The following DOCK1 variants were observed in gnomAD, a reference collection of about 807,000 sequenced individuals.
The protein encoded by DOCK1 is dedicator of cytokinesis 1.
Under a neutral mutation model 262.7 loss-of-function variants are expected in DOCK1, and 138 were observed. That is an observed-to-expected ratio of 0.53 (90% CI 0.46 to 0.61). The LOEUF (loss-of-function observed/expected upper bound fraction) is 0.61, where lower values mean the gene tolerates loss of function less well. DOCK1 is among the 20% of genes least tolerant of loss of function. The pLI is 0.00. For missense variants in DOCK1, 1,908 were observed against 2,370.7 expected, an observed-to-expected ratio of 0.80 and a Z score of 4.05; for synonymous variants, 866 against 867.4, an observed-to-expected ratio of 1.00 and a Z score of 0.03.
At chr10:127,265,632 C>T (rs1201058375) in intron 29 of DOCK1, among the ~76,000 whole-genome samples, 1 of 152,078 alleles carries the variant, frequency 6.6e-6, no homozygotes, top group Admixed American at 6.5e-5. Context: ...CTATGGACAC[C>T]TCATAATCAC....
At chr10:127,262,224 GTGTGTACCCGTGCTCATC>G (rs1202249251) in intron 29 of DOCK1, among the ~76,000 whole-genome samples, 3 of 151,096 alleles carry the variant, frequency 2.0e-5, no homozygotes, top group African/African-American at 2.4e-5. Flanking sequence ...GTGTGTGTGT[GTGTGTACCCGTGCTCATC>G]TGTGTGTGTA....
At chr10:127,422,199 G>A (rs1441413643) in intron 46 of DOCK1, among the ~76,000 whole-genome samples, 14 of 109,250 alleles carry the variant, frequency 1.3e-4, no homozygotes, top group Admixed American at 4.3e-4. Flanking sequence ...ATGGAGTCTC[G>A]CTCTGTCACC....
In DOCK1 at chr10:127,230,866, T is replaced by C. The variant is rs534093200; in HGVS notation, c.2848-17142T>C. Among the ~76,000 whole-genome samples the C allele has an allele frequency of 7.2e-5, 11 of 152,286 alleles. No individual in the cohort carries two copies. The East Asian group carries it at 2.1e-3, about 29-fold the overall frequency. On this transcript the variant is annotated intron_variant, in intron 27 of 51. Coordinates refer to ENST00000623213, the MANE Select transcript of DOCK1 (RefSeq NM_001290223.2). The stretch of plus-strand genomic sequence containing the variant: ...TGAAAAATGTCATTGGAATTTTGAA[T>C]AGGACTTGCGTTGGATCTGTAGATA...
chr10:126,964,141 A>G (rs888596451), intron 1 of DOCK1, among the ~76,000 whole-genome samples: 3 of 152,212 alleles, frequency 2.0e-5, no homozygotes, highest in Non-Finnish European at 2.9e-5. Context: ...ATCTTCACCA[A>G]GTTGCTATAA....
intron 29 of DOCK1, among the ~76,000 whole-genome samples, chr10:127,309,912 A>G (rs2135489048): frequency 6.7e-6 from 1 of 148,510 alleles, no homozygotes; most frequent in East Asian, 2.0e-4. Flanking sequence ...GTCTCACTCT[A>G]CTACCCAGGC....
intron 40 of DOCK1, among the ~76,000 whole-genome samples, chr10:127,405,120 G>A (rs551250723): frequency 7.9e-5 from 12 of 152,276 alleles, no homozygotes; most frequent in Middle Eastern, 6.8e-3. Flanking sequence ...GGTTGTCCCC[G>A]CCCAATGTGC....
intron 39 of DOCK1, 64 bp from the exon 40 acceptor site, chr10:127,404,261 A>T: frequency 3.5e-6 from 5 of 1,420,254 alleles, no homozygotes; most frequent in Non-Finnish European, 2.9e-6. Flanking sequence ...GCCCGCAAGA[A>T]GAATCCAGAG....
intron 1 of DOCK1, among the ~76,000 whole-genome samples, chr10:126,938,237 A>T (rs2034689682): frequency 6.6e-6 from 1 of 152,114 alleles, no homozygotes; most frequent in African/African-American, 2.4e-5. Context: ...TAGTAGAGAC[A>T]GGGTTTCTCC....
chr10:127,032,236 A>G lies in DOCK1; in HGVS notation c.1828A>G (p.Met610Val), dbSNP rs1171513306. 10 of 1,601,518 alleles carry G rather than the reference A, an allele frequency of 6.2e-6. No individual in the cohort carries two copies. The highest frequency in any genetic ancestry group is 3.4e-5 in the Admixed American group (2 of 58,256). The change falls in exon 18 of 52, where the codon ATG becomes GTG. Residue 610 changes from methionine to valine, a missense_variant. Met to Val is a conservative substitution (Grantham distance 21). This residue lies in a region of DOCK1 where 294 missense variants were observed against 439.9 expected (regional missense o/e 0.67). Coordinates refer to ENST00000623213, the MANE Select transcript of DOCK1 (RefSeq NM_001290223.2). ...GGGCCACTCGGCCACCGGCAAGAGC[A>G]TGCAGAGCCTTGGGAGCTGCACCAT... ...EKGHSATGKS[M>V]QSLGSCTISK...
intron 27 of DOCK1, among the ~76,000 whole-genome samples, chr10:127,208,002 AT>A (rs993000815): frequency 1.3e-5 from 2 of 152,212 alleles, no homozygotes; most frequent in Non-Finnish European, 2.9e-5. Flanking sequence ...CATACGCTAG[AT>A]TGTAGGCTCA....
intron 46 of DOCK1, among the ~76,000 whole-genome samples, chr10:127,424,571 A>G (rs546260406): frequency 4.7e-4 from 72 of 152,266 alleles, no homozygotes; most frequent in African/African-American, 1.7e-3. Flanking sequence ...TCGACATCCC[A>G]CCAAAAGTTG....
chr10:127,023,409 C>T (rs1486500996), intron 14 of DOCK1, 85 bp downstream of exon 14: 38 of 1,546,058 alleles, frequency 2.5e-5, no homozygotes, highest in Non-Finnish European at 3.1e-5. Flanking sequence ...GCATAGATGT[C>T]GTCAGGGTGG....
rs997353850 is a variant in DOCK1, at chr10:127,415,004, A to G, written c.4429-148A>G. 12 of 657,048 alleles carry G rather than the reference A, an allele frequency of 1.8e-5. No homozygotes were observed. In the African/African-American group the frequency reaches 2.0e-4, roughly 11 times the overall value. 40.7% of individuals were successfully genotyped at this position (657,048 alleles called of 1,614,324 possible). Reference sequence around the variant, plus strand: ...GGCTTGTGAGGTGCTACCTGAAGGCACACATGCCCTGTGCTGAGCACCACA... The same window carrying G: ...GGCTTGTGAGGTGCTACCTGAAGGCGCACATGCCCTGTGCTGAGCACCACA... On this transcript the variant is annotated intron_variant, in intron 43 of 51. Coordinates refer to ENST00000623213, the MANE Select transcript of DOCK1 (RefSeq NM_001290223.2).
At chr10:127,215,175 A>C (rs1486597566) in intron 27 of DOCK1, among the ~76,000 whole-genome samples, 2 of 152,006 alleles carry the variant, frequency 1.3e-5, no homozygotes, top group Non-Finnish European at 2.9e-5. Flanking sequence ...TCCACACCCA[A>C]TGGACAGCTT....
Position 127,175,846 on chromosome 10 carries a change from C to G in DOCK1, c.2847+48082C>G. On this transcript the variant is annotated intron_variant, in intron 27 of 51. Coordinates refer to ENST00000623213, the MANE Select transcript of DOCK1 (RefSeq NM_001290223.2). The surrounding 1 kb of genome is among the most constrained non-coding windows in gnomAD (Gnocchi z 6.3). ...CAGTTGACCCCCAAAGGCTGGTCCA[C>G]TGTGTTCATGTGTTGGTTGGAATGG... 6.2e-7 allele frequency: 1 copy of G among 1,614,176 alleles called. No homozygotes were observed. The highest frequency in any genetic ancestry group is 8.5e-7 in the Non-Finnish European group (1 of 1,180,046).
chr10:127,076,310 G>A (rs1389422504), intron 23 of DOCK1, among the ~76,000 whole-genome samples: 4 of 152,174 alleles, frequency 2.6e-5, no homozygotes, highest in Admixed American at 1.3e-4. Context: ...GACCATCCTG[G>A]CTAACACGGT....
intron 1 of DOCK1, among the ~76,000 whole-genome samples, chr10:126,965,121 G>A (rs1240775047): frequency 6.6e-6 from 1 of 152,208 alleles, no homozygotes; most frequent in African/African-American, 2.4e-5. Context: ...AAGGTTGTGG[G>A]GTGGCACAGA....
Position 126,996,883 on chromosome 10 carries a change from A to C in DOCK1, c.609A>C (p.Lys203Asn). Reference sequence around the variant, plus strand: ...TGGAGGAAAGGTTACAAGAGGAAAAAGTAAGTTTGACTCTGTCATATGCCA... The same window carrying C: ...TGGAGGAAAGGTTACAAGAGGAAAACGTAAGTTTGACTCTGTCATATGCCA... ...KQVEERLQEE[K>N]SQKQNIDINR... Residue 203 changes from lysine (K) to asparagine (N), a missense_variant and splice_region_variant, in exon 7 of 52, where the codon AAA (lysine) becomes AAC (asparagine). By Grantham distance (94) the Lys-to-Asn change is moderately conservative. Transcript: ENST00000623213. The C allele has an allele frequency of 6.3e-7, 1 of 1,594,750 alleles. No homozygotes were observed. Among genetic ancestry groups the C allele is most frequent in the South Asian group, 1.1e-5 (1 of 87,162 alleles).
intron 51 of DOCK1, among the ~76,000 whole-genome samples, 164 bp downstream of exon 51, chr10:127,447,709 G>A (rs561574424): frequency 3.3e-5 from 5 of 152,300 alleles, no homozygotes; most frequent in Non-Finnish European, 5.9e-5. Context: ...TATCGAAGCA[G>A]TAAGGACTCC....
Sources: gnomAD v4.1 joint callset for allele counts (sites outside exome capture counted in the v4.1 genomes callset) on GRCh38, gnomAD v4.1.1 for gene constraint, gnomAD v4.1.1 regional missense constraint, Gnocchi (gnomAD v3.1) non-coding constraint, MANE v1.5 for transcripts, NCBI Gene and HGNC (gene_info 2026-07-23, HGNC 2026-07-21) for gene names.